The following RGS10 variants were observed in gnomAD, a reference collection of about 807,000 sequenced individuals.
RGS10 encodes the protein regulator of G protein signaling 10, also known as regulator of G-protein signalling 10.
RGS10 carries 11 observed loss-of-function variants against 23.5 expected under a neutral mutation model. The ratio of observed to expected loss-of-function variants is 0.47; its 90% CI spans 0.29 to 0.77. The LOEUF is 0.77. Ranked by LOEUF, RGS10 falls within the 30% of genes least tolerant of loss-of-function variation. The probability of loss-of-function intolerance (pLI) is 0.08; values close to 1 mark genes in which losing one functional copy is unlikely to be tolerated. For missense variants in RGS10, 180 were observed against 226.3 expected, an observed-to-expected ratio of 0.80 and a Z score of 1.31; for synonymous variants, 77 against 83.2, an observed-to-expected ratio of 0.92 and a Z score of 0.41.
intron 1 of RGS10, among the ~76,000 whole-genome samples, chr10:119,535,935 C>T (rs781049948): frequency 3.9e-5 from 6 of 152,206 alleles, no homozygotes; most frequent in Non-Finnish European, 7.3e-5. Context: ...CCTCTTGTCA[C>T]CTATACCACA....
At chr10:119,503,140 G>T (rs1295722014) in intron 4 of RGS10, among the ~76,000 whole-genome samples, 1 of 152,070 alleles carries the variant, frequency 6.6e-6, no homozygotes, top group East Asian at 1.9e-4. Context: ...CACTTTGGGA[G>T]GCTGAGGCGG....
chr10:119,540,216 T>G (rs1449561994), intron 1 of RGS10, among the ~76,000 whole-genome samples: 1 of 152,100 alleles, frequency 6.6e-6, no homozygotes, highest in Non-Finnish European at 1.5e-5. Flanking sequence ...GTGGCTGATC[T>G]TCCTTCCTTC....
intron 1 of RGS10, among the ~76,000 whole-genome samples, chr10:119,539,391 G>A (rs1749330084): frequency 6.6e-6 from 1 of 152,264 alleles, no homozygotes; most frequent in Admixed American, 6.5e-5. Context: ...GCCCGGCAGG[G>A]TGGGAATTCC....
At chr10:119,502,459 G>T (rs1408931806) in intron 4 of RGS10, among the ~76,000 whole-genome samples, 1 of 152,354 alleles carries the variant, frequency 6.6e-6, no homozygotes, top group East Asian at 1.9e-4. Flanking sequence ...CTCTAAGCAG[G>T]ATGCGGTGCG....
At chr10:119,522,484 C>T (rs1426722016) in intron 3 of RGS10, among the ~76,000 whole-genome samples, 3 of 152,100 alleles carry the variant, frequency 2.0e-5, no homozygotes, top group Non-Finnish European at 4.4e-5. Context: ...TTTGAAAGGC[C>T]GAGGCGGGTG....
At chr10:119,501,175 C>T (rs1467932521) in intron 4 of RGS10, among the ~76,000 whole-genome samples, 1 of 152,206 alleles carries the variant, frequency 6.6e-6, no homozygotes, top group East Asian at 1.9e-4. Context: ...AAAGCCTTTT[C>T]CAGCTGTCAA....
intron 4 of RGS10, among the ~76,000 whole-genome samples, chr10:119,505,111 A>C (rs1484419883): frequency 6.6e-6 from 1 of 152,018 alleles, no homozygotes; most frequent in Non-Finnish European, 1.5e-5. Context: ...TGACCTCACC[A>C]GGTTTGGACT....
In RGS10 at chr10:119,527,280, C is replaced by G; in HGVS notation, c.168+26G>C. The G allele has an allele frequency of 6.5e-7, 1 of 1,546,178 alleles. No individual in the cohort carries two copies. The highest frequency in any genetic ancestry group is 8.9e-7 in the Non-Finnish European group (1 of 1,119,558). ...GAACTTCTGCACACACTGCATCCAT[C>G]CCGATTAACAATGAAAAAGACAAAC... On this transcript the variant is annotated intron_variant, in intron 2 of 4. Transcript: ENST00000369103. This position sits in a 1 kb window ranked among gnomAD's most constrained non-coding sequence, Gnocchi z 4.2.
chr10:119,537,966 A>C (rs1589844073), intron 1 of RGS10, among the ~76,000 whole-genome samples: 1 of 152,146 alleles, frequency 6.6e-6, no homozygotes, highest in East Asian at 1.9e-4. Context: ...AGGAGCGACA[A>C]CCTCTACAAG....
chr10:119,524,568 C>T lies in RGS10; in HGVS notation c.255+1464G>A, dbSNP rs1287790594. ...GATGGTGGTCCCCAGGCCCTGTCCT[C>T]GGTGCTGGAGACAAAGGACAACAAT... On this transcript the variant is annotated intron_variant, in intron 3 of 4. Transcript: ENST00000369103. The surrounding 1 kb of genome is among the most constrained non-coding windows in gnomAD (Gnocchi z 5.2). Among the ~76,000 whole-genome samples, 2 of 152,124 alleles carry T rather than the reference C, an allele frequency of 1.3e-5. No homozygotes were observed. The highest frequency in any genetic ancestry group is 1.9e-4 in the East Asian group (1 of 5,188).
chr10:119,530,230 A>G (rs1323624024), intron 1 of RGS10, among the ~76,000 whole-genome samples: 1 of 152,252 alleles, frequency 6.6e-6, no homozygotes, highest in Non-Finnish European at 1.5e-5. Flanking sequence ...GAAAATCTGT[A>G]TCAGAGCACA....
intron 4 of RGS10, among the ~76,000 whole-genome samples, chr10:119,509,674 A>T (rs567639374): frequency 4.8e-4 from 73 of 152,252 alleles, no homozygotes; most frequent in African/African-American, 1.8e-3. Context: ...GGCTGTAGTT[A>T]TCAGTGACTT....
At chr10:119,505,716 A>C (rs1564708106) in intron 4 of RGS10, among the ~76,000 whole-genome samples, 1 of 152,234 alleles carries the variant, frequency 6.6e-6, no homozygotes, top group East Asian at 1.9e-4. Flanking sequence ...ATCTGTGCAG[A>C]AACGAGGACC....
At chr10:119,530,161 T>C (rs1260401737) in intron 1 of RGS10, among the ~76,000 whole-genome samples, 2 of 152,166 alleles carry the variant, frequency 1.3e-5, no homozygotes, top group Non-Finnish European at 2.9e-5. Flanking sequence ...AAATAAAGTC[T>C]CATAAATATT....
chr10:119,525,939 T>C, intron 3 of RGS10, 93 bp downstream of exon 3: 3 of 603,356 alleles, frequency 5.0e-6, no homozygotes, highest in South Asian at 3.0e-5. Flanking sequence ...CCAAAACTAA[T>C]ATGAATCAGG....
chr10:119,520,543 C>A (rs183484764), intron 3 of RGS10, among the ~76,000 whole-genome samples: 3 of 152,198 alleles, frequency 2.0e-5, no homozygotes, highest in African/African-American at 7.2e-5. Context: ...AAGAAACAGA[C>A]CCAGGGAGGC....
intron 3 of RGS10, among the ~76,000 whole-genome samples, chr10:119,520,824 A>AAAAAAAGT (rs1263404840): frequency 1.3e-5 from 2 of 151,604 alleles, no homozygotes; most frequent in African/African-American, 4.8e-5. Context: ...AAAAAAAAAA[A>AAAAAAAGT]ATTAAAAAAT....
At chr10:119,521,180 G>A (rs930513770) in intron 3 of RGS10, among the ~76,000 whole-genome samples, 1 of 152,074 alleles carries the variant, frequency 6.6e-6, no homozygotes, top group Non-Finnish European at 1.5e-5. Context: ...GCAACATGGT[G>A]AGACTGCTTA....
chr10:119,539,408 AG>A (rs1338934557), intron 1 of RGS10, among the ~76,000 whole-genome samples: 1 of 152,146 alleles, frequency 6.6e-6, no homozygotes, highest in Non-Finnish European at 1.5e-5. Flanking sequence ...TTCCCCTGAG[AG>A]GTCACCCCTG....
Sources: gnomAD v4.1 joint callset for allele counts (sites outside exome capture counted in the v4.1 genomes callset) on GRCh38, gnomAD v4.1.1 for gene constraint, Gnocchi (gnomAD v3.1) non-coding constraint, MANE v1.5 for transcripts, NCBI Gene and HGNC (gene_info 2026-07-23, HGNC 2026-07-21) for gene names.